SLC24A2: variants seen among roughly 807,000 people sequenced by gnomAD.
SLC24A2 encodes the protein solute carrier family 24 member 2, also known as sodium/potassium/calcium exchanger 2.
A neutral mutation model predicts 62.0 loss-of-function variants in SLC24A2; 36 were observed. The observed-to-expected ratio is 0.58, with a 90% confidence interval of 0.44 to 0.77. SLC24A2 has a LOEUF of 0.77. Ranked by LOEUF, SLC24A2 falls within the 30% of genes least tolerant of loss-of-function variation. SLC24A2 has a pLI of 0.00. For missense variants in SLC24A2, 846 were observed against 817.9 expected, an observed-to-expected ratio of 1.03 and a Z score of -0.42; for synonymous variants, 358 against 294.0, an observed-to-expected ratio of 1.22 and a Z score of -2.23.
At chr9:19,545,344 T>C (rs1432731649) in intron 8 of SLC24A2, among the ~76,000 whole-genome samples, 1 of 152,118 alleles carries the variant, frequency 6.6e-6, no homozygotes, top group African/African-American at 2.4e-5. Context: ...TTTTTCAAGG[T>C]TCTTAGCTTC....
chr9:19,616,472 G>A (rs1387712270), intron 4 of SLC24A2, among the ~76,000 whole-genome samples: 1 of 152,180 alleles, frequency 6.6e-6, no homozygotes. Context: ...GGAGTCTGTC[G>A]TTTTAATTGC....
intron 5 of SLC24A2, among the ~76,000 whole-genome samples, chr9:19,587,999 T>G (rs1836425941): frequency 6.6e-6 from 1 of 152,172 alleles, no homozygotes; most frequent in Admixed American, 6.5e-5. Context: ...TTTACCCACA[T>G]AGCTGGTTTG....
the SLC24A2 span, among the ~76,000 whole-genome samples, chr9:19,968,486 T>G: frequency 5.9e-5 from 9 of 152,332 alleles, no homozygotes; most frequent in Admixed American, 5.9e-4. Flanking sequence ...TTAATTTGCT[T>G]ATAGAAATAA....
intron 2 of SLC24A2, among the ~76,000 whole-genome samples, chr9:19,629,725 G>C (rs1298685607): frequency 2.0e-5 from 3 of 152,152 alleles, no homozygotes; most frequent in Non-Finnish European, 4.4e-5. Context: ...TCTATATTTA[G>C]TTTATTTGGA....
chr9:19,680,613 T>C (rs910926238), intron 2 of SLC24A2, among the ~76,000 whole-genome samples: 2 of 151,170 alleles, frequency 1.3e-5, no homozygotes, highest in Middle Eastern at 3.2e-3. Flanking sequence ...AACATATATA[T>C]ATATATATTC....
the SLC24A2 span, among the ~76,000 whole-genome samples, chr9:20,068,352 G>A: frequency 3.3e-5 from 5 of 151,962 alleles, no homozygotes; most frequent in African/African-American, 7.3e-5. Context: ...GTGAGCCACC[G>A]CACCTAGCCT....
At chr9:20,000,790 G>A in the SLC24A2 span, among the ~76,000 whole-genome samples, 1 of 152,174 alleles carries the variant, frequency 6.6e-6, no homozygotes, top group Non-Finnish European at 1.5e-5. Context: ...TAAGTTAACA[G>A]TAAAATGTGA....
intron 8 of SLC24A2, among the ~76,000 whole-genome samples, chr9:19,543,403 T>TC (rs1380997654): frequency 6.6e-6 from 1 of 151,926 alleles, no homozygotes; most frequent in Non-Finnish European, 1.5e-5. Flanking sequence ...TTTTTTTTTT[T>TC]TGAAGGGTTT....
chr9:20,248,947 G>A, the SLC24A2 span, among the ~76,000 whole-genome samples: 20,583 of 152,130 alleles, frequency 0.14, 1,542 homozygotes, highest in South Asian at 0.28. Context: ...TTCTCCCCCT[G>A]GAAGTTGCTG....
At chr9:19,656,889 T>C (rs1363056153) in intron 2 of SLC24A2, among the ~76,000 whole-genome samples, 1 of 152,194 alleles carries the variant, frequency 6.6e-6, no homozygotes, top group African/African-American at 2.4e-5. Flanking sequence ...ACCCCTTCCA[T>C]TGTGTCTGCC....
chr9:19,534,959 A>G (rs1833886154), intron 8 of SLC24A2, among the ~76,000 whole-genome samples: 1 of 152,176 alleles, frequency 6.6e-6, no homozygotes, highest in Admixed American at 6.5e-5. Flanking sequence ...GGTTGAACTA[A>G]CTTACACCCC....
intron 2 of SLC24A2, among the ~76,000 whole-genome samples, chr9:19,681,590 G>A (rs1819724878): frequency 6.6e-6 from 1 of 152,150 alleles, no homozygotes; most frequent in South Asian, 2.1e-4. Flanking sequence ...CCACGGTCCT[G>A]TGGAGGAACT....
chr9:20,275,752 G>A, the SLC24A2 span, among the ~76,000 whole-genome samples: 32 of 152,122 alleles, frequency 2.1e-4, no homozygotes, highest in African/African-American at 7.5e-4. Flanking sequence ...AAGAAAAAGA[G>A]GTTTAATGAA....
intron 2 of SLC24A2, among the ~76,000 whole-genome samples, chr9:19,776,883 A>T (rs1822861658): frequency 2.0e-5 from 3 of 152,188 alleles, no homozygotes; most frequent in Non-Finnish European, 4.4e-5. Context: ...TAGGTCACTG[A>T]GGGTGAATCT....
chr9:19,854,157 C>A, the SLC24A2 span, among the ~76,000 whole-genome samples: 1 of 151,978 alleles, frequency 6.6e-6, no homozygotes, highest in Admixed American at 6.6e-5. Flanking sequence ...CCTTTTTTAT[C>A]ATTTATTATT....
chr9:20,277,053 T>C, the SLC24A2 span, among the ~76,000 whole-genome samples: 2 of 152,212 alleles, frequency 1.3e-5, no homozygotes, highest in Non-Finnish European at 2.9e-5. Context: ...GCGATTAACA[T>C]GTGGCTCCTC....
At chr9:20,224,632 G>C in the SLC24A2 span, among the ~76,000 whole-genome samples, 1 of 151,556 alleles carries the variant, frequency 6.6e-6, no homozygotes, top group African/African-American at 2.4e-5. Context: ...AACAGATAAT[G>C]CAATCAATTT....
the SLC24A2 span, among the ~76,000 whole-genome samples, chr9:20,286,860 T>C: frequency 3.9e-5 from 6 of 152,334 alleles, no homozygotes; most frequent in South Asian, 6.2e-4. Context: ...CAAGGACACA[T>C]TGAGGATTCC....
At chr9:19,729,654 G>GA (rs1447433034) in intron 2 of SLC24A2, among the ~76,000 whole-genome samples, 3 of 151,716 alleles carry the variant, frequency 2.0e-5, no homozygotes, top group Admixed American at 2.0e-4. Context: ...TAGAAGCTAA[G>GA]AAAAAAAGGG....
Sources: allele counts gnomAD v4.1 joint callset (sites outside exome capture counted in the v4.1 genomes callset), GRCh38; gene constraint gnomAD v4.1.1; transcripts MANE v1.5; gene names NCBI Gene and HGNC (gene_info 2026-07-23, HGNC 2026-07-21).